Variants in PDE1A observed in about 807,000 individuals in gnomAD.
PDE1A encodes the protein dual specificity calcium/calmodulin-dependent 3',5'-cyclic nucleotide phosphodiesterase 1A.
A neutral mutation model predicts 61.7 loss-of-function variants in PDE1A; 35 were observed. The ratio of observed to expected loss-of-function variants is 0.57; its 90% CI spans 0.43 to 0.75. The LOEUF is 0.75. Ranked by LOEUF, PDE1A falls within the 30% of genes least tolerant of loss-of-function variation. PDE1A has a pLI of 0.00. For synonymous variants in PDE1A, 232 were observed against 213.2 expected (o/e 1.09, Z -0.77); for missense variants, 597 against 630.6 (o/e 0.95, Z 0.57).
chr2:182,331,252 C>T (rs958043215), intron 1 of PDE1A, among the ~76,000 whole-genome samples: 9 of 152,184 alleles, frequency 5.9e-5, no homozygotes, highest in Admixed American at 1.3e-4. Context: ...TAAGTTCACT[C>T]ATCTACAAAA....
chr2:182,203,969 T>C (rs1574679103), intron 8 of PDE1A, among the ~76,000 whole-genome samples: 1 of 151,992 alleles, frequency 6.6e-6, no homozygotes, highest in Admixed American at 6.5e-5. Flanking sequence ...AAACATTCAA[T>C]TAAAATGACT....
chr2:182,462,679 G>C (rs1309424262), intron 2 of PDE1A, among the ~76,000 whole-genome samples: 1 of 151,984 alleles, frequency 6.6e-6, no homozygotes, highest in Non-Finnish European at 1.5e-5. Flanking sequence ...TGTAAGCAGG[G>C]AGCCCTAGAG....
At chr2:182,446,714 T>C (rs1167799649) in intron 2 of PDE1A, among the ~76,000 whole-genome samples, 1 of 152,094 alleles carries the variant, frequency 6.6e-6, no homozygotes, top group Non-Finnish European at 1.5e-5. Flanking sequence ...TGATTAAATA[T>C]TAAGTTTATG....
intron 7 of PDE1A, among the ~76,000 whole-genome samples, chr2:182,210,805 G>A (rs1687520495): frequency 6.6e-6 from 1 of 151,822 alleles, no homozygotes. Flanking sequence ...TTAGGTCTGT[G>A]ATCCATTTTG....
chr2:182,190,059 A>T (rs998760471), intron 10 of PDE1A, among the ~76,000 whole-genome samples: 2 of 152,216 alleles, frequency 1.3e-5, no homozygotes, highest in African/African-American at 4.8e-5. Flanking sequence ...ACATCTTTCT[A>T]TGCTAATCTT....
At chr2:182,191,949 A>G (rs984472762) in intron 10 of PDE1A, among the ~76,000 whole-genome samples, 1 of 151,520 alleles carries the variant, frequency 6.6e-6, no homozygotes, top group Non-Finnish European at 1.5e-5. Context: ...TCTGCCTCCC[A>G]GGTTCAAGCA....
the PDE1A span, among the ~76,000 whole-genome samples, chr2:182,647,339 T>C: frequency 1.3e-5 from 2 of 152,218 alleles, no homozygotes; most frequent in African/African-American, 2.4e-5. Flanking sequence ...AAGATCAGAA[T>C]TTATTTCTGG....
At chr2:182,310,745 G>A (rs575423571) in intron 1 of PDE1A, among the ~76,000 whole-genome samples, 126 of 152,126 alleles carry the variant, frequency 8.3e-4, no homozygotes, top group African/African-American at 2.9e-3. Context: ...TCACTTTCAC[G>A]TTGCCATACC....
chr2:182,246,388 TTTTTTCTTTTTTCTTTC>T (rs1233744008), intron 2 of PDE1A, among the ~76,000 whole-genome samples: 2 of 107,268 alleles, frequency 1.9e-5, no homozygotes, highest in African/African-American at 4.0e-5. Context: ...TACTATAGTC[TTTTTTCTTTTTTCTTTC>T]TTTTTTTTTT....
At chr2:182,369,843 T>C (rs1700030634) in intron 1 of PDE1A, among the ~76,000 whole-genome samples, 1 of 152,184 alleles carries the variant, frequency 6.6e-6, no homozygotes, top group African/African-American at 2.4e-5. Flanking sequence ...ATAAACTCAT[T>C]ACTTGAAATG....
rs1036549178 is a variant in PDE1A at position 182,186,322 on chromosome 2, A to C, written c.1328+146T>G. The stretch of plus-strand genomic sequence containing the variant: ...AACTTCAGTTGTCAAAGGCAGATGC[A>C]ATATAATATAAAGCCACTAGGTGGC... On this transcript the variant is annotated intron_variant, in intron 12 of 13. Transcript: ENST00000351439. 3 of 957,596 alleles carry C rather than the reference A, an allele frequency of 3.1e-6. No homozygotes were observed. In the African/African-American group the frequency reaches 5.0e-5, roughly 16 times the overall value. 59.3% of individuals were successfully genotyped at this position (957,596 alleles called of 1,614,324 possible). A position where few individuals can be genotyped will look rare whatever the true frequency, so the allele number is the denominator to read the frequency against.
exon 15 of PDE1A, chr2:182,141,861 C>T (rs1690241545): frequency 6.6e-6 from 1 of 152,178 alleles, no homozygotes; most frequent in African/African-American, 2.4e-5. Context: ...TTCACTGAAG[C>T]TCACAATCAT....
downstream of PDE1A, among the ~76,000 whole-genome samples, chr2:182,162,970 G>T (rs1369017802): frequency 6.6e-6 from 1 of 152,182 alleles, no homozygotes; most frequent in East Asian, 1.9e-4. Flanking sequence ...AGAACTGCCT[G>T]TACCTAAGAC....
At chr2:182,605,038 ATT>A in the PDE1A span, among the ~76,000 whole-genome samples, 56,152 of 147,700 alleles carry the variant, frequency 0.38, 10,669 homozygotes, top group African/African-American at 0.47. Context: ...AGGGGAGTGG[ATT>A]TTTTTTTTTT....
chr2:182,158,632 C>T (rs971695052), intron 13 of PDE1A, among the ~76,000 whole-genome samples: 1 of 152,190 alleles, frequency 6.6e-6, no homozygotes, highest in Non-Finnish European at 1.5e-5. Context: ...ATTGCTAACT[C>T]TACAAAAATT....
chr2:182,527,341 T>A (rs1172137095), upstream of PDE1A, among the ~76,000 whole-genome samples: 14 of 8,512 alleles, frequency 1.6e-3, 3 homozygotes, highest in African/African-American at 5.1e-3. Flanking sequence ...TATATATATA[T>A]ATATATATAT....
At chr2:182,687,820 A>C in the PDE1A span, among the ~76,000 whole-genome samples, 6 of 152,352 alleles carry the variant, frequency 3.9e-5, no homozygotes, top group Admixed American at 2.6e-4. Context: ...CAACCAATGC[A>C]GAGAAGTCCT....
At chr2:182,608,789 G>A in the PDE1A span, among the ~76,000 whole-genome samples, 1 of 152,270 alleles carries the variant, frequency 6.6e-6, no homozygotes, top group African/African-American at 2.4e-5. Context: ...GCGGCCGCAG[G>A]GCGCGGGACT....
At chr2:182,487,616 G>GA (rs1688099380) in intron 2 of PDE1A, among the ~76,000 whole-genome samples, 2 of 152,096 alleles carry the variant, frequency 1.3e-5, no homozygotes, top group Non-Finnish European at 2.9e-5. Flanking sequence ...AAAACACTGA[G>GA]AACTGCATAT....
Sources: gnomAD v4.1 joint callset for allele counts (sites outside exome capture counted in the v4.1 genomes callset) on GRCh38, gnomAD v4.1.1 for gene constraint, MANE v1.5 for transcripts, NCBI Gene and HGNC (gene_info 2026-07-23, HGNC 2026-07-21) for gene names.